PRPH2: variants seen among roughly 807,000 people sequenced by gnomAD.
The protein encoded by PRPH2 is peripherin-2.
In PRPH2, 17 loss-of-function variants were observed where a neutral mutation model predicts 31.3. That is an observed-to-expected ratio of 0.54 (90% confidence interval 0.37 to 0.81). The LOEUF (loss-of-function observed/expected upper bound fraction) is 0.81, where lower values mean the gene tolerates loss of function less well. Among genes scored for constraint, PRPH2 ranks in the 40% least tolerant of loss-of-function variants. The pLI is 0.00. For synonymous variants in PRPH2, 165 were observed against 184.4 expected (o/e 0.89, Z 0.85); for missense variants, 430 against 439.7 (o/e 0.98, Z 0.20).
intron 2 of PRPH2, among the ~76,000 whole-genome samples, chr6:42,699,879 C>A (rs191176215): frequency 6.6e-6 from 1 of 152,218 alleles, no homozygotes; most frequent in African/African-American, 2.4e-5. Context: ...CCAGCAAACA[C>A]CACCACTGTA....
Position 42,713,946 on chromosome 6 carries a change from AAGAC to A in PRPH2, c.581+7804_581+7807del, listed in dbSNP as rs1348046555. ...AAAAAAAAAAAAAAAAAAAAAAAAA[AAGAC>A]AGGGAAAGACAGGGAGAAGAGGGAG... On this transcript the variant is annotated intron_variant, in intron 1 of 2. Transcript: ENST00000230381. Among the ~76,000 whole-genome samples, 108 of 149,766 alleles carry A rather than the reference AAGAC, an allele frequency of 7.2e-4. 1 individual carries two copies. Among genetic ancestry groups the A allele is most frequent in the Admixed American group, 2.7e-3 (40 of 15,002 alleles).
rs765805559 is a variant in PRPH2 at position 42,704,345 on chromosome 6, C to A, written c.828+20G>T. 3 of 1,603,462 alleles carry A rather than the reference C, an allele frequency of 1.9e-6. No homozygotes were observed. The highest frequency in any genetic ancestry group is 3.4e-5 in the Admixed American group (2 of 58,532). ...CGGAGGCTCTCCTTACCCTCTACCC[C>A]CAGCTGGCCCAGGGCCTACCTCGAA... On this transcript the variant is annotated intron_variant, in intron 2 of 2. Transcript: ENST00000230381.
At position 42,697,978 on chromosome 6, in the gene PRPH2, T is replaced by C. The variant is rs1325382683; in HGVS notation, c.*317A>G. ...GCCATAGGGTGGGACTAAATCCGTG[T>C]GAGAAAGATGGGTCCTGGGCTAGTC... On this transcript the variant is annotated 3_prime_UTR_variant, in exon 3 of 3. Transcript: ENST00000230381. 1 of 378,166 alleles carries C rather than the reference T, an allele frequency of 2.6e-6. No individual in the cohort carries two copies. The highest frequency in any genetic ancestry group is 5.7e-5 in the East Asian group (1 of 17,690). The allele number at this position is 378,166 out of a possible 1,614,324, so 23.4% of individuals were successfully genotyped here.
Position 42,722,062 on chromosome 6 carries a change from A to G in PRPH2, c.273T>C (p.Tyr91=). 1 of 1,614,206 alleles carries G rather than the reference A, an allele frequency of 6.2e-7. No individual in the cohort carries two copies. Residue 91 remains tyrosine, a synonymous_variant, in exon 1 of 3, where the codon TAT becomes TAC. Coordinates refer to ENST00000230381, the MANE Select transcript of PRPH2 (RefSeq NM_000322.5). The surrounding 1 kb of genome is among the most constrained non-coding windows in gnomAD (Gnocchi z 4.4). ...GCTTCAGCCAGGGCTTCCATCTGGC[A>G]TACTTGGCTGGGTCCAGGGCGTCGT... is the stretch of plus-strand genomic sequence containing the variant. The part of the protein sequence containing the change: ...ICYDALDPAK[Y]ARWKPWLKPY...
chr6:42,705,599 AATATATATATAT>A (rs1194169404), intron 1 of PRPH2, among the ~76,000 whole-genome samples: 64 of 21,556 alleles, frequency 3.0e-3, no homozygotes, highest in African/African-American at 8.7e-3. Flanking sequence ...AAAAAAAAAA[AATATATATATAT>A]ATATATATAT....
chr6:42,722,207 A>G lies in PRPH2; in HGVS notation c.128T>C (p.Ile43Thr). ...CACATCGCTCCTCTTTCGGAGTTCA[A>G]TCTTCAGGAACAGTCCTAGGCTGAA... ...IIFSLGLFLK[I>T]ELRKRSDVMN... The change falls in exon 1 of 3, where the codon ATT becomes ACT. Residue 43 changes from isoleucine (I) to threonine (T), a missense_variant. Transcript: ENST00000230381. This position sits in a 1 kb window ranked among gnomAD's most constrained non-coding sequence, Gnocchi z 4.4. 6.2e-7 allele frequency: 1 copy of G among 1,614,174 alleles called. No homozygotes were observed. Among genetic ancestry groups the G allele is most frequent in the Non-Finnish European group, 8.5e-7 (1 of 1,180,030 alleles).
intron 2 of PRPH2, among the ~76,000 whole-genome samples, chr6:42,703,243 A>G (rs2152004898): frequency 6.6e-6 from 1 of 152,342 alleles, no homozygotes; most frequent in South Asian, 2.1e-4. Flanking sequence ...AAAATAAAAA[A>G]TGAATATCTC....
intron 1 of PRPH2, among the ~76,000 whole-genome samples, chr6:42,707,086 G>C (rs1055987173): frequency 6.6e-6 from 1 of 151,154 alleles, no homozygotes; most frequent in African/African-American, 2.4e-5. Flanking sequence ...TTTCAGTAGA[G>C]ATGGGGTTTT....
At chr6:42,715,712 C>T (rs1197042123) in intron 1 of PRPH2, among the ~76,000 whole-genome samples, 1 of 152,060 alleles carries the variant, frequency 6.6e-6, no homozygotes, top group Non-Finnish European at 1.5e-5. Context: ...TTGTAAATTC[C>T]CATAAAAATA....
In PRPH2 at chr6:42,697,911, G is replaced by A. The variant is rs918178343; in HGVS notation, c.*384C>T. The A allele has an allele frequency of 1.3e-5, 3 of 237,110 alleles. No homozygotes were observed. Among genetic ancestry groups the A allele is most frequent in the Non-Finnish European group, 1.7e-5 (2 of 120,290 alleles). The allele number at this position is 237,110 out of a possible 1,614,324, so 14.7% of individuals were successfully genotyped here. A position where few individuals can be genotyped will look rare whatever the true frequency, so the allele number is the denominator to read the frequency against. On this transcript the variant is annotated 3_prime_UTR_variant, in exon 3 of 3. Transcript: ENST00000230381. ...GTGAAGCAACATGGAGCTCATAAGAGGTAAATTCTAAAAGGGGAGCAGCCC... is the reference window on the plus strand; with the variant it reads ...GTGAAGCAACATGGAGCTCATAAGAAGTAAATTCTAAAAGGGGAGCAGCCC...
chr6:42,698,494 A>G lies in PRPH2; in HGVS notation c.842T>C (p.Ile281Thr), dbSNP rs146659849. 1.2e-5 allele frequency: 19 copies of G among 1,614,134 alleles called. No individual in the cohort carries two copies. In the African/African-American group the frequency reaches 2.0e-4, roughly 17 times the overall value. ...LIWLFEVTIT[I>T]GLRYLQTSLD... is the part of the protein sequence containing the mutation. The stretch of plus-strand genomic sequence containing the variant: ...CGACGTCTGTAGGTAGCGCAGCCCA[A>G]TTGTAATGGTCACCTGGTGGTGGGA... Residue 281 changes from isoleucine (I) to threonine (T), a missense_variant, in exon 3 of 3, where the codon ATT becomes ACT. Transcript: ENST00000230381.
chr6:42,718,341 C>CTA (rs1165423170), intron 1 of PRPH2, among the ~76,000 whole-genome samples: 1 of 151,438 alleles, frequency 6.6e-6, no homozygotes, highest in Non-Finnish European at 1.5e-5. Context: ...TGCCACACAC[C>CTA]TATATAATCT....
chr6:42,721,435 AG>A (rs1254351703), intron 1 of PRPH2, among the ~76,000 whole-genome samples: 1 of 152,224 alleles, frequency 6.6e-6, no homozygotes, highest in African/African-American at 2.4e-5. Context: ...CTCTGTATAA[AG>A]TGGACACACA....
intron 1 of PRPH2, among the ~76,000 whole-genome samples, chr6:42,718,291 C>A (rs1761828468): frequency 7.0e-6 from 1 of 143,746 alleles, no homozygotes; most frequent in Admixed American, 6.9e-5. Context: ...GAGAGTGAGA[C>A]CCTGTCTCAA....
intron 1 of PRPH2, among the ~76,000 whole-genome samples, chr6:42,711,640 G>A (rs1244150332): frequency 2.0e-5 from 3 of 152,238 alleles, no homozygotes; most frequent in Non-Finnish European, 4.4e-5. Flanking sequence ...CCAATTTGAA[G>A]GGGAGACACA....
intron 1 of PRPH2, among the ~76,000 whole-genome samples, chr6:42,715,871 G>A (rs1190290922): frequency 6.6e-6 from 1 of 152,094 alleles, no homozygotes; most frequent in African/African-American, 2.4e-5. Flanking sequence ...GGTTTCTGGG[G>A]GGCCCCAAGG....
chr6:42,716,287 T>A (rs1761777132), intron 1 of PRPH2, among the ~76,000 whole-genome samples: 1 of 151,818 alleles, frequency 6.6e-6, no homozygotes, highest in African/African-American at 2.4e-5. Flanking sequence ...CTGCCTGGCA[T>A]GGTGGTGGGT....
intron 1 of PRPH2, among the ~76,000 whole-genome samples, chr6:42,712,207 A>G (rs989786100): frequency 1.3e-5 from 2 of 152,194 alleles, no homozygotes; most frequent in Non-Finnish European, 2.9e-5. Flanking sequence ...ATATGGTATG[A>G]AAAAGGGGAC....
intron 1 of PRPH2, among the ~76,000 whole-genome samples, chr6:42,705,489 G>A (rs1381016338): frequency 2.0e-5 from 3 of 147,836 alleles, no homozygotes; most frequent in East Asian, 4.0e-4. Flanking sequence ...TTGTAAGGCC[G>A]AGGCGGGAGC....
Sources: gnomAD v4.1 joint callset for allele counts (sites outside exome capture counted in the v4.1 genomes callset) on GRCh38, gnomAD v4.1.1 for gene constraint, Gnocchi (gnomAD v3.1) non-coding constraint, MANE v1.5 for transcripts, NCBI Gene and HGNC (gene_info 2026-07-23, HGNC 2026-07-21) for gene names.